PLA2G4A: variants seen among roughly 807,000 people sequenced by gnomAD.
The protein encoded by PLA2G4A is phospholipase A2 group IVA.
PLA2G4A carries 40 observed loss-of-function variants against 81.9 expected under a neutral mutation model. The ratio of observed to expected loss-of-function variants is 0.49; its 90% CI spans 0.38 to 0.64. The LOEUF (loss-of-function observed/expected upper bound fraction) is 0.64, where lower values mean the gene tolerates loss of function less well. Among genes scored for constraint, PLA2G4A ranks in the 30% least tolerant of loss-of-function variants. The probability of loss-of-function intolerance (pLI) is 0.00; values close to 1 mark genes in which losing one functional copy is unlikely to be tolerated. For synonymous variants in PLA2G4A, 302 were observed against 296.9 expected, an observed-to-expected ratio of 1.02 and a Z score of -0.18; for missense variants, 715 against 905.1, an observed-to-expected ratio of 0.79 and a Z score of 2.69.
intron 1 of PLA2G4A, among the ~76,000 whole-genome samples, chr1:186,837,415 C>T (rs1442601227): frequency 1.3e-5 from 2 of 151,792 alleles, no homozygotes. Flanking sequence ...AACAAGTTTG[C>T]CAATTAGATT....
intron 7 of PLA2G4A, among the ~76,000 whole-genome samples, chr1:186,912,608 A>T (rs1478170871): frequency 6.6e-6 from 1 of 151,252 alleles, no homozygotes; most frequent in Admixed American, 6.6e-5. Context: ...ATACGAATAT[A>T]AGTTTCCTCC....
intron 15 of PLA2G4A, among the ~76,000 whole-genome samples, chr1:186,974,248 C>T (rs927674642): frequency 3.3e-5 from 5 of 152,022 alleles, no homozygotes; most frequent in Non-Finnish European, 7.4e-5. Context: ...TGTCATTCCT[C>T]TCCTTCAAGT....
intron 10 of PLA2G4A, among the ~76,000 whole-genome samples, chr1:186,940,585 A>G (rs958460381): frequency 1.3e-5 from 2 of 152,206 alleles, no homozygotes; most frequent in African/African-American, 4.8e-5. Flanking sequence ...TAACCTACAC[A>G]CATTCTTATG....
At chr1:186,948,440 T>C (rs7522213) in intron 12 of PLA2G4A, among the ~76,000 whole-genome samples, 145,434 of 151,816 alleles carry the variant, frequency 0.96, 69,707 homozygotes, top group East Asian at 1. Flanking sequence ...ATGAACATTA[T>C]ATCCCAGATG....
rs543261196 is a variant in PLA2G4A, at chr1:186,988,525, G to A, written c.*17G>A. The A allele has an allele frequency of 1.2e-6, 2 of 1,608,054 alleles. No homozygotes were observed. The highest frequency in any genetic ancestry group is 1.3e-5 in the African/African-American group (1 of 74,722). On this transcript the variant is annotated 3_prime_UTR_variant, in exon 18 of 18. Transcript: ENST00000367466. Reference sequence around the variant, plus strand: ...AAAGCATAGTTCATGTACTGGAAATGGCAGCAGTTTCTGATGCTGAGGCAG... The same window carrying A: ...AAAGCATAGTTCATGTACTGGAAATAGCAGCAGTTTCTGATGCTGAGGCAG...
chr1:186,860,710 G>T (rs1290015966), intron 2 of PLA2G4A, among the ~76,000 whole-genome samples: 1 of 152,140 alleles, frequency 6.6e-6, no homozygotes, highest in African/African-American at 2.4e-5. Context: ...GCCATGCCCT[G>T]CCACAAGCCT....
chr1:186,971,593 G>A (rs1347546930), intron 15 of PLA2G4A, among the ~76,000 whole-genome samples: 1 of 151,902 alleles, frequency 6.6e-6, no homozygotes, highest in Non-Finnish European at 1.5e-5. Context: ...ACTTCAGCAA[G>A]TTCAAAGTAA....
chr1:186,893,273 G>A, intron 4 of PLA2G4A, 114 bp downstream of exon 4: 1 of 878,886 alleles, frequency 1.1e-6, no homozygotes, highest in Non-Finnish European at 1.9e-6. Flanking sequence ...GAGTTAGACT[G>A]GGCAGCTTGG....
chr1:186,934,440 G>GCACACACACACACACA lies in PLA2G4A; in HGVS notation c.695+1545_695+1546insCACACACACACACACA, dbSNP rs148141099. Among the ~76,000 whole-genome samples the GCACACACACACACACA allele has an allele frequency of 3.2e-3, 228 of 70,994 alleles. 2 individuals carry two copies. Among genetic ancestry groups the GCACACACACACACACA allele is most frequent in the South Asian group, 8.2e-3 (17 of 2,074 alleles). The allele number at this position is 70,994 out of a possible 152,430, so 46.6% of individuals were successfully genotyped here. On this transcript the variant is annotated intron_variant, in intron 8 of 17. Coordinates refer to ENST00000367466, the MANE Select transcript of PLA2G4A (RefSeq NM_024420.3). ...ATGTAATTAAAAGGATTTTAAATGT[G>GCACACACACACACACA]CACATATATATATATATATATATAC...
intron 10 of PLA2G4A, among the ~76,000 whole-genome samples, chr1:186,940,654 A>G (rs1224293996): frequency 2.0e-5 from 3 of 152,206 alleles, no homozygotes; most frequent in Non-Finnish European, 4.4e-5. Context: ...AATGCTAGGT[A>G]AATAGTTGTT....
chr1:186,988,431 C>A lies in PLA2G4A; in HGVS notation c.2173C>A (p.Arg725Ser). Residue 725 changes from arginine (R) to serine (S), a missense_variant, in exon 18 of 18, where the codon CGT (arginine) becomes AGT (serine). Physicochemically the swap from Arg to Ser is moderately radical, Grantham distance 110. Transcript: ENST00000367466. ...TGAATATAGAAGACAGAATCCATCT[C>A]GTTGCTCTGTTTCCCTTAGTAATGT... is the stretch of plus-strand genomic sequence containing the variant. The part of the protein sequence containing the change: ...SIEYRRQNPS[R>S]CSVSLSNVEA... 1 of 1,610,364 alleles carries A rather than the reference C, an allele frequency of 6.2e-7. No individual in the cohort carries two copies. Among genetic ancestry groups the A allele is most frequent in the South Asian group, 1.1e-5 (1 of 90,994 alleles).
chr1:186,939,923 T>C lies in PLA2G4A; in HGVS notation c.919-57T>C, dbSNP rs933753331. 7 of 830,126 alleles carry C rather than the reference T, an allele frequency of 8.4e-6. No homozygotes were observed. The African/African-American group carries it at 1.0e-4, about 12-fold the overall frequency. The allele number at this position is 830,126 out of a possible 1,614,324, so 51.4% of individuals were successfully genotyped here. A position where few individuals can be genotyped will look rare whatever the true frequency, so the allele number is the denominator to read the frequency against. The stretch of plus-strand genomic sequence containing the variant: ...ATTGGAAGTACTATTTTGAATAGCA[T>C]TCTTTCTGTGTCTGTTTATAAATTT... On this transcript the variant is annotated intron_variant, in intron 9 of 17. Transcript: ENST00000367466.
rs12720669 is a variant in PLA2G4A at position 186,966,527 on chromosome 1, G to T, written c.1764+934G>T. 9.1e-3 allele frequency among the ~76,000 whole-genome samples: 1,378 copies of T among 152,232 alleles called. 24 individuals are homozygous for T. Among genetic ancestry groups the T allele is most frequent in the African/African-American group, 0.031 (1,296 of 41,534 alleles). On this transcript the variant is annotated intron_variant, in intron 15 of 17. Transcript: ENST00000367466. The stretch of plus-strand genomic sequence containing the variant: ...AGTTTTATAGGAATTAGGAGTCAAG[G>T]TTAACTTGTGAGGATAAAAATATGG...
At chr1:186,924,010 G>C (rs1027053472) in intron 7 of PLA2G4A, among the ~76,000 whole-genome samples, 1 of 152,010 alleles carries the variant, frequency 6.6e-6, no homozygotes, top group African/African-American at 2.4e-5. Flanking sequence ...AACCTCCCTC[G>C]TAGTTCAATA....
At chr1:186,930,428 A>G (rs929645446) in intron 7 of PLA2G4A, among the ~76,000 whole-genome samples, 4 of 152,296 alleles carry the variant, frequency 2.6e-5, no homozygotes, top group Admixed American at 1.3e-4. Flanking sequence ...AAGCATCTTC[A>G]GTATGTGTCG....
intron 3 of PLA2G4A, among the ~76,000 whole-genome samples, chr1:186,881,073 T>G (rs1653713491): frequency 6.6e-6 from 1 of 152,026 alleles, no homozygotes; most frequent in Admixed American, 6.6e-5. Context: ...CAATTGCTAG[T>G]ACGAAATGTA....
intron 1 of PLA2G4A, among the ~76,000 whole-genome samples, chr1:186,846,474 A>G (rs1019863776): frequency 6.6e-6 from 1 of 152,214 alleles, no homozygotes. Context: ...AAGAAATTAC[A>G]AAAATATTAC....
intron 17 of PLA2G4A, among the ~76,000 whole-genome samples, chr1:186,985,617 T>C (rs1657868197): frequency 6.6e-6 from 1 of 152,216 alleles, no homozygotes; most frequent in African/African-American, 2.4e-5. Flanking sequence ...TTGTTTCTTA[T>C]GTGGAAGGGG....
chr1:186,915,572 A>C (rs1049909777), intron 7 of PLA2G4A, among the ~76,000 whole-genome samples: 1 of 152,104 alleles, frequency 6.6e-6, no homozygotes, highest in African/African-American at 2.4e-5. Context: ...GCCTGTTTTT[A>C]TGGGCAGTAG....
Sources: gnomAD v4.1 joint callset for allele counts (sites outside exome capture counted in the v4.1 genomes callset) on GRCh38, gnomAD v4.1.1 for gene constraint, MANE v1.5 for transcripts, NCBI Gene and HGNC (gene_info 2026-07-23, HGNC 2026-07-21) for gene names.